Variants in DRD4 observed in about 807,000 individuals in gnomAD.
DRD4 encodes dopamine receptor D4.
A neutral mutation model predicts 22.1 loss-of-function variants in DRD4; 26 were observed. The ratio of observed to expected loss-of-function variants is 1.17; its 90% CI spans 0.86 to 1.63. The LOEUF is 1.63. Ranked by LOEUF, DRD4 falls within the 40% of genes most tolerant of loss-of-function variation. The pLI, the probability that DRD4 is intolerant of heterozygous loss-of-function variation, is 0.00. For missense variants in DRD4, 913 were observed against 632.4 expected (o/e 1.44, Z -4.76); for synonymous variants, 455 against 306.7 (o/e 1.48, Z -5.05).
At chr11:639,253 T>C (rs1268159382) in intron 1 of DRD4, 180 bp from the exon 2 acceptor site, 3 of 629,050 alleles carry the variant, frequency 4.8e-6, no homozygotes, top group Non-Finnish European at 8.6e-6. Flanking sequence ...AGACCCTAAC[T>C]CAAAACAAAG....
chr11:638,794 T>C (rs1383054685), intron 1 of DRD4, among the ~76,000 whole-genome samples: 1 of 152,146 alleles, frequency 6.6e-6, no homozygotes, highest in Non-Finnish European at 1.5e-5. Flanking sequence ...TTCTCATGTT[T>C]GTAACAAAAG....
At position 639,480 on chromosome 11, in the gene DRD4, C is replaced by T; in HGVS notation, c.333C>T (p.Leu111=). 6.2e-7 allele frequency: 1 copy of T among 1,603,378 alleles called. No individual in the cohort carries two copies. The highest frequency in any genetic ancestry group is 1.1e-5 in the South Asian group (1 of 90,776). ...TGAGCCCCCGCCTGTGCGACGCCCT[C>T]ATGGCCATGGACGTCATGCTGTGCA... ...WLLSPRLCDA[L]MAMDVMLCTA... is the part of the protein sequence containing the mutation. Residue 111 remains leucine, a synonymous_variant, in exon 2 of 4, where the codon CTC becomes CTT. Coordinates refer to ENST00000176183, the MANE Select transcript of DRD4 (RefSeq NM_000797.4).
rs767239460 is a variant in DRD4, at chr11:640,061, G to C, written c.812G>C (p.Arg271Pro). The C allele has an allele frequency of 3.1e-4, 280 of 894,568 alleles. 18 individuals are homozygous for C. Among genetic ancestry groups the C allele is most frequent in the Middle Eastern group, 4.9e-4 (1 of 2,046 alleles). The allele number at this position is 894,568 out of a possible 1,614,324, so 55.4% of individuals were successfully genotyped here. A position where few individuals can be genotyped will look rare whatever the true frequency, so the allele number is the denominator to read the frequency against. Residue 271 changes from arginine (R) to proline (P), a missense_variant, in exon 3 of 4, where the codon CGG (arginine) becomes CCG (proline). Physicochemically the swap from Arg to Pro is moderately radical, Grantham distance 103. Transcript: ENST00000176183. ...GCGCCCCCCGCGCCCGGCCTTCCCC[G>C]GGGTCCCTGCGGCCCCGACTGTGCG... ...DCAPPAPGLP[R>P]GPCGPDCAPA...
At chr11:637,612 A>C in intron 1 of DRD4, 23 bp downstream of exon 1, 1 of 1,540,412 alleles carries the variant, frequency 6.5e-7, no homozygotes, top group Non-Finnish European at 8.7e-7. Context: ...CGGCCGCACG[A>C]GCATCCTCAC....
Position 640,010 on chromosome 11 carries a change from C to T in DRD4, c.761C>T (p.Pro254Leu), listed in dbSNP as rs1858178560. The T allele has an allele frequency of 1.6e-6, 2 of 1,263,124 alleles. No homozygotes were observed. The highest frequency in any genetic ancestry group is 2.0e-6 in the Non-Finnish European group (2 of 1,008,916). The allele number at this position is 1,263,124 out of a possible 1,614,324, so 78.2% of individuals were successfully genotyped here. A position where few individuals can be genotyped will look rare whatever the true frequency, so the allele number is the denominator to read the frequency against. Residue 254 changes from proline (P) to leucine (L), a missense_variant, in exon 3 of 4, where the codon CCC becomes CTC. Transcript: ENST00000176183. ...PSPTPPAPRL[P>L]QDPCGPDCAP... The stretch of plus-strand genomic sequence containing the variant: ...CCCACGCCACCCGCGCCCCGCCTCC[C>T]CCAGGACCCCTGCGGCCCCGACTGT...
At position 639,738 on chromosome 11, in the gene DRD4, C is replaced by T. The variant is rs773882091; in HGVS notation, c.489C>T (p.Ser163=). The change falls in exon 3 of 4, where the codon TCC becomes TCT. Residue 163 remains serine, a synonymous_variant. Transcript: ENST00000176183. ...TCATCGGCGCCACGTGGCTGCTGTC[C>T]GCGGCGGTGGCGGCGCCCGTACTGT... ...LLLIGATWLL[S]AAVAAPVLCG... The T allele has an allele frequency of 5.2e-6, 8 of 1,530,150 alleles. No homozygotes were observed. The South Asian group carries it at 5.9e-5, about 11-fold the overall frequency. The allele number at this position is 1,530,150 out of a possible 1,614,324, so 94.8% of individuals were successfully genotyped here.
chr11:639,793 C>T lies in DRD4; in HGVS notation c.544C>T (p.Pro182Ser), dbSNP rs759360236. Residue 182 changes from proline to serine, a missense_variant, in exon 3 of 4, where the codon CCC becomes TCC. Physicochemically the swap from Pro to Ser is moderately conservative, Grantham distance 74. Transcript: ENST00000176183. ...CGLNDVRGRDPAVCRLEDRDY... is the reference protein window; with the variant it reads ...CGLNDVRGRDSAVCRLEDRDY... ...CCTCAACGACGTGCGCGGCCGCGAC[C>T]CCGCCGTGTGCCGCCTGGAGGACCG... 12 of 1,580,498 alleles carry T rather than the reference C, an allele frequency of 7.6e-6. No individual in the cohort carries two copies. In the South Asian group the frequency reaches 1.2e-4, roughly 16 times the overall value.
intron 1 of DRD4, among the ~76,000 whole-genome samples, chr11:638,377 C>T (rs1429599645): frequency 6.6e-6 from 1 of 152,160 alleles, no homozygotes; most frequent in African/African-American, 2.4e-5. Context: ...CAGCACGGGA[C>T]ACGCGTGACC....
intron 1 of DRD4, 84 bp downstream of exon 1, chr11:637,673 G>A: frequency 2.6e-6 from 4 of 1,530,922 alleles, no homozygotes; most frequent in East Asian, 4.9e-5. Flanking sequence ...GGCGCGACCC[G>A]GCCCCTTTCT....
intron 1 of DRD4, chr11:639,114 G>T: frequency 2.6e-6 from 1 of 383,932 alleles, no homozygotes; most frequent in South Asian, 2.8e-5. Flanking sequence ...AATCAGCCGG[G>T]GGTGGTGGCG....
rs1858183163 is a variant in DRD4 at position 640,063 on chromosome 11, G to GTTCCCT, written c.814_815insTTCCCT (p.Gly272delinsValProCys). ...GCCCCCCGCGCCCGGCCTTCCCCGG[G>GTTCCCT]GTCCCTGCGGCCCCGACTGTGCGCC... On this transcript the variant is annotated protein_altering_variant, in exon 3 of 4. Transcript: ENST00000176183. 8.9e-7 allele frequency: 1 copy of GTTCCCT among 1,120,202 alleles called. No individual in the cohort carries two copies. Among genetic ancestry groups the GTTCCCT allele is most frequent in the Non-Finnish European group, 1.1e-6 (1 of 889,442 alleles). 69.4% of individuals were successfully genotyped at this position (1,120,202 alleles called of 1,614,324 possible). A position where few individuals can be genotyped will look rare whatever the true frequency, so the allele number is the denominator to read the frequency against.
In DRD4 at chr11:639,505, A is replaced by G. The variant is rs1239600149; in HGVS notation, c.358A>G (p.Thr120Ala). The change falls in exon 2 of 4, where the codon ACC (threonine) becomes GCC (alanine). Residue 120 changes from threonine (T) to alanine (A), a missense_variant. By Grantham distance (58) the Thr-to-Ala change is moderately conservative (BLOSUM62 0). Transcript: ENST00000176183. Reference protein sequence around the residue: ...ALMAMDVMLCTASIFNLCAIS... With the variant: ...ALMAMDVMLCAASIFNLCAIS... ...CATGGCCATGGACGTCATGCTGTGC[A>G]CCGCCTCCATCTTCAACCTGTGCGC... is the stretch of plus-strand genomic sequence containing the variant. 2 of 1,602,974 alleles carry G rather than the reference A, an allele frequency of 1.2e-6. No individual in the cohort carries two copies. Among genetic ancestry groups the G allele is most frequent in the Non-Finnish European group, 1.7e-6 (2 of 1,178,826 alleles).
chr11:639,406 C>T (rs762898996), intron 1 of DRD4, 27 bp from the exon 2 acceptor site: 4 of 1,567,724 alleles, frequency 2.6e-6, no homozygotes, highest in Non-Finnish European at 3.4e-6. Flanking sequence ...GCTGGGAAAC[C>T]TCAGGGCCTG....
rs758744504 is a variant in DRD4 at position 637,506 on chromosome 11, C to G, written c.202C>G (p.Pro68Ala). The G allele has an allele frequency of 3.2e-6, 5 of 1,560,588 alleles. No homozygotes were observed. Among genetic ancestry groups the G allele is most frequent in the Middle Eastern group, 1.7e-4 (1 of 5,998 alleles). ...SVATERALQT[P>A]TNSFIVSLAA... ...GGCCACCGAGCGCGCCCTGCAGACG[C>G]CCACCAACTCCTTCATCGTGAGCCT... The change falls in exon 1 of 4, where the codon CCC becomes GCC. Residue 68 changes from proline (P) to alanine (A), a missense_variant. Transcript: ENST00000176183.
Position 639,581 on chromosome 11 carries a change from C to CG in DRD4, c.398+37dup, listed in dbSNP as rs530426753. The CG allele has an allele frequency of 4.8e-5, 64 of 1,330,178 alleles. No homozygotes were observed. The African/African-American group carries it at 9.2e-4, about 19-fold the overall frequency. The allele number at this position is 1,330,178 out of a possible 1,614,324, so 82.4% of individuals were successfully genotyped here. A position where few individuals can be genotyped will look rare whatever the true frequency, so the allele number is the denominator to read the frequency against. ...CTCCCCGCCCGCGCCCCGGCGCCCCCGCGCCCCGCCCGCCGCCCTCACCGC... is the reference window on the plus strand; with the variant it reads ...CTCCCCGCCCGCGCCCCGGCGCCCCCGGCGCCCCGCCCGCCGCCCTCACCGC... On this transcript the variant is annotated intron_variant, in intron 2 of 3. Coordinates refer to ENST00000176183, the MANE Select transcript of DRD4 (RefSeq NM_000797.4).
chr11:639,942 C>T lies in DRD4; in HGVS notation c.693C>T (p.His231=), dbSNP rs758672529. 1.8e-5 allele frequency: 26 copies of T among 1,446,928 alleles called. 1 individual carries two copies. In the South Asian group the frequency reaches 2.5e-4, roughly 14 times the overall value. The allele number at this position is 1,446,928 out of a possible 1,614,324, so 89.6% of individuals were successfully genotyped here. ...AGGTGGCACGTCGCGCCAAGCTGCA[C>T]GGCCGCGCGCCCCGCCGACCCAGCG... is the stretch of plus-strand genomic sequence containing the variant. ...RWEVARRAKL[H]GRAPRRPSGP... is the part of the protein sequence containing the mutation. Residue 231 remains histidine, a synonymous_variant, in exon 3 of 4, where the codon CAC becomes CAT. Coordinates refer to ENST00000176183, the MANE Select transcript of DRD4 (RefSeq NM_000797.4).
rs530031052 is a variant in DRD4, at chr11:637,570, C to A, written c.266C>A (p.Pro89Gln). 1.3e-6 allele frequency: 2 copies of A among 1,553,788 alleles called. No homozygotes were observed. The highest frequency in any genetic ancestry group is 2.4e-5 in the East Asian group (1 of 41,802). ...ADLLLALLVL[P>Q]LFVYSEVQGG... ...CTCCTCCTCGCTCTCCTGGTGCTGC[C>A]GCTCTTCGTCTACTCCGAGGTGAGC... The change falls in exon 1 of 4, where the codon CCG becomes CAG. Residue 89 changes from proline (P) to glutamine (Q), a missense_variant. Physicochemically the swap from Pro to Gln is moderately conservative, Grantham distance 76. Coordinates refer to ENST00000176183, the MANE Select transcript of DRD4 (RefSeq NM_000797.4).
At position 640,135 on chromosome 11, in the gene DRD4, C is replaced by G. The variant is rs1222240638; in HGVS notation, c.886C>G (p.Pro296Ala). The change falls in exon 3 of 4, where the codon CCC becomes GCC. Residue 296 changes from proline (P) to alanine (A), a missense_variant. Pro to Ala is a conservative substitution (Grantham distance 27). Transcript: ENST00000176183. ...PQDPCGPDCA[P>A]PAPGLPPDPC... is the part of the protein sequence containing the mutation. ...GGACCCCTGCGGCCCCGACTGTGCG[C>G]CCCCCGCGCCCGGCCTCCCCCCGGA... The G allele has an allele frequency of 5.5e-6, 8 of 1,442,292 alleles. No homozygotes were observed. The highest frequency in any genetic ancestry group is 5.4e-5 in the South Asian group (4 of 73,546). 89.3% of individuals were successfully genotyped at this position (1,442,292 alleles called of 1,614,324 possible). A position where few individuals can be genotyped will look rare whatever the true frequency, so the allele number is the denominator to read the frequency against.
At position 637,810 on chromosome 11, in the gene DRD4, TCTC is replaced by T. The variant is rs1282094215; in HGVS notation, c.285+224_285+226del. Among the ~76,000 whole-genome samples, 7 of 152,226 alleles carry T rather than the reference TCTC, an allele frequency of 4.6e-5. No homozygotes were observed. The South Asian group carries it at 1.0e-3, about 23-fold the overall frequency. On this transcript the variant is annotated intron_variant, in intron 1 of 3. Transcript: ENST00000176183. ...TCTGTCCCCCGACCCTCGTTCCTCT[TCTC>T]CTTCCCCGTCTGTCTTGGCGTCTGT...
Sources: allele counts gnomAD v4.1 joint callset (sites outside exome capture counted in the v4.1 genomes callset), GRCh38; gene constraint gnomAD v4.1.1; transcripts MANE v1.5; gene names NCBI Gene and HGNC (gene_info 2026-07-23, HGNC 2026-07-21).